JHY: variants seen among roughly 807,000 people sequenced by gnomAD.
The protein encoded by JHY is junctional cadherin complex regulator.
Under a neutral mutation model 78.0 loss-of-function variants are expected in JHY, and 69 were observed. The observed-to-expected ratio is 0.88, with a 90% confidence interval of 0.73 to 1.08. The LOEUF is 1.08. Ranked by LOEUF, JHY falls within the 50% of genes least tolerant of loss-of-function variation. JHY has a pLI of 0.00. For synonymous variants in JHY, 368 were observed against 342.6 expected (o/e 1.07, Z -0.82); for missense variants, 944 against 927.8 (o/e 1.02, Z -0.23).
At position 122,946,769 on chromosome 11, in the gene JHY, C is replaced by A. The variant is rs1320119605; in HGVS notation, c.1906C>A (p.His636Asn). 6.2e-7 allele frequency: 1 copy of A among 1,612,118 alleles called. No individual in the cohort carries two copies. The highest frequency in any genetic ancestry group is 8.5e-7 in the Non-Finnish European group (1 of 1,179,476). ...YLFQLEKGKK[H>N]KKRSSSKNTK... ...GTTTCAACTGGAAAAGGGAAAAAAG[C>A]ATAAGAAAAGAAGCAGCAGTAAGGT... Residue 636 changes from histidine to asparagine, a missense_variant, in exon 6 of 9, where the codon CAT becomes AAT. Transcript: ENST00000227349.
chr11:122,900,235 T>C (rs1443441287), intron 2 of JHY, among the ~76,000 whole-genome samples: 1 of 152,140 alleles, frequency 6.6e-6, no homozygotes, highest in African/African-American at 2.4e-5. Context: ...GGCGTGACAG[T>C]TTTGGCTTTT....
At chr11:122,914,519 A>C (rs1226273940) in intron 3 of JHY, among the ~76,000 whole-genome samples, 2 of 152,076 alleles carry the variant, frequency 1.3e-5, no homozygotes, top group Non-Finnish European at 2.9e-5. Flanking sequence ...ATCTCCGCTC[A>C]CTGCAACTTC....
chr11:122,905,665 C>G lies in JHY; in HGVS notation c.864+1221C>G, dbSNP rs546885054. Reference sequence around the variant, plus strand: ...GGAGGATCACTTGAGGCCACGAGTTCAAGACCAGCCTGGCCAACATGGTGA... The same window carrying G: ...GGAGGATCACTTGAGGCCACGAGTTGAAGACCAGCCTGGCCAACATGGTGA... On this transcript the variant is annotated intron_variant, in intron 3 of 8. Coordinates refer to ENST00000227349, the MANE Select transcript of JHY (RefSeq NM_024806.4). 2.6e-5 allele frequency: 22 copies of G among 859,466 alleles called. No individual in the cohort carries two copies. The African/African-American group carries it at 3.7e-4, about 14-fold the overall frequency. The allele number at this position is 859,466 out of a possible 1,614,324, so 53.2% of individuals were successfully genotyped here.
At chr11:122,950,811 G>T (rs1864070088) in intron 6 of JHY, among the ~76,000 whole-genome samples, 1 of 152,196 alleles carries the variant, frequency 6.6e-6, no homozygotes, top group Non-Finnish European at 1.5e-5. Flanking sequence ...AGAAATCTAA[G>T]CGCATGGGAG....
intron 8 of JHY, 21 bp downstream of exon 8, chr11:122,957,512 C>T (rs375793123): frequency 1.4e-6 from 2 of 1,439,848 alleles, no homozygotes; most frequent in Middle Eastern, 1.9e-4. Context: ...CTCAACAAGG[C>T]ATTTATTTTT....
intron 3 of JHY, chr11:122,905,377 G>A (rs1409700264): frequency 1.3e-6 from 2 of 1,500,134 alleles, no homozygotes; most frequent in African/African-American, 2.8e-5. Context: ...ACCTGCTAAT[G>A]TGAGGTCATT....
intron 3 of JHY, among the ~76,000 whole-genome samples, chr11:122,912,871 C>T (rs1420556922): frequency 6.6e-6 from 1 of 151,972 alleles, no homozygotes; most frequent in African/African-American, 2.4e-5. Flanking sequence ...CTTCGGAGGG[C>T]TATTTGAAGA....
At chr11:122,923,883 A>ATTT (rs760512913) in intron 3 of JHY, among the ~76,000 whole-genome samples, 11 of 100,502 alleles carry the variant, frequency 1.1e-4, no homozygotes, top group Admixed American at 2.0e-4. Context: ...CGCCTGGCTA[A>ATTT]TTTTTTTTTT....
chr11:122,931,799 G>A (rs963980317), intron 4 of JHY, among the ~76,000 whole-genome samples: 2 of 152,142 alleles, frequency 1.3e-5, no homozygotes, highest in African/African-American at 2.4e-5. Flanking sequence ...AAGGAAAGCC[G>A]TAAAAGAGAA....
Position 122,917,841 on chromosome 11 carries a change from T to G in JHY, c.865-7056T>G, listed in dbSNP as rs1185597449. On this transcript the variant is annotated intron_variant, in intron 3 of 8. Coordinates refer to ENST00000227349, the MANE Select transcript of JHY (RefSeq NM_024806.4). This position sits in a 1 kb window ranked among gnomAD's most constrained non-coding sequence, Gnocchi z 4.1. ...GTTATATGAGATATTCCTAAAAATC[T>G]CTTTCACATTCTTAAAAATGGCCAT... 6.6e-6 allele frequency among the ~76,000 whole-genome samples: 1 copy of G among 152,228 alleles called. No homozygotes were observed. The highest frequency in any genetic ancestry group is 1.5e-5 in the Non-Finnish European group (1 of 68,036).
intron 6 of JHY, among the ~76,000 whole-genome samples, chr11:122,948,393 AG>A (rs1282861271): frequency 1.4e-4 from 21 of 151,494 alleles, no homozygotes; most frequent in Admixed American, 3.3e-4. Flanking sequence ...CAGTGAGTCG[AG>A]ATTGCACCAT....
chr11:122,896,190 A>G (rs1203064619), intron 2 of JHY, among the ~76,000 whole-genome samples: 1 of 152,030 alleles, frequency 6.6e-6, no homozygotes, highest in Non-Finnish European at 1.5e-5. Flanking sequence ...TCTAGGTTCC[A>G]CTTAAAACAT....
chr11:122,908,042 T>G (rs1176075092), intron 3 of JHY, among the ~76,000 whole-genome samples: 1 of 152,052 alleles, frequency 6.6e-6, no homozygotes, highest in Non-Finnish European at 1.5e-5. Context: ...CTGGAGAATT[T>G]AAAAAGTATT....
intron 3 of JHY, among the ~76,000 whole-genome samples, chr11:122,907,349 T>C (rs371793368): frequency 2.6e-5 from 4 of 152,254 alleles, no homozygotes; most frequent in East Asian, 3.9e-4. Context: ...GGGTTTGTGC[T>C]CATTTTTAAT....
chr11:122,903,958 C>A lies in JHY; in HGVS notation c.378C>A (p.Leu126=). ...CAATAGAAGACAAATATTCAGACCT[C>A]CGCTATGACCCGAACTGGAAGAGTA... ...QQPIEDKYSD[L]RYDPNWKSKK... The change falls in exon 3 of 9, where the codon CTC becomes CTA. Residue 126 remains leucine, a synonymous_variant. Coordinates refer to ENST00000227349, the MANE Select transcript of JHY (RefSeq NM_024806.4). 6.2e-7 allele frequency: 1 copy of A among 1,607,932 alleles called. No homozygotes were observed. Among genetic ancestry groups the A allele is most frequent in the East Asian group, 2.2e-5 (1 of 44,740 alleles).
Position 122,946,498 on chromosome 11 carries a change from G to A in JHY, c.1635G>A (p.Trp545Ter), listed in dbSNP as rs1376461533. Residue 545 changes from tryptophan (W) to a stop codon, truncating the protein, a stop_gained and splice_region_variant, in exon 6 of 9, where the codon TGG (tryptophan) becomes TGA (stop). Coordinates refer to ENST00000227349, the MANE Select transcript of JHY (RefSeq NM_024806.4). LOFTEE classifies it high-confidence loss of function. ...TTGTGCCTTTTTTTTTTTCATTAAG[G>A]AAATTCCATTCTTCTTCTGACAGCC... ...ETKYRNLEML[W>*]KFHSSSDSQT... The A allele has an allele frequency of 6.4e-7, 1 of 1,558,228 alleles. No individual in the cohort carries two copies. The highest frequency in any genetic ancestry group is 1.4e-5 in the African/African-American group (1 of 71,834).
In JHY at chr11:122,963,556, ATT is replaced by A. The variant is rs1466165014; in HGVS notation, c.*4114_*4115del. Reference sequence around the variant, plus strand: ...AACTACCATAAAACTAAGGGGAGAGATTTTGCAAAAACAGGGAGTGACAGACA... The same window carrying A: ...AACTACCATAAAACTAAGGGGAGAGATTGCAAAAACAGGGAGTGACAGACA... On this transcript the variant is annotated 3_prime_UTR_variant, in exon 9 of 9. Transcript: ENST00000227349. 1.5e-4 allele frequency among the ~76,000 whole-genome samples: 23 copies of A among 152,290 alleles called. No individual in the cohort carries two copies. The highest frequency in any genetic ancestry group is 3.4e-3 in the Middle Eastern group (1 of 294).
chr11:122,960,473 C>G lies in JHY; in HGVS notation c.*1028C>G, dbSNP rs1424903587. The G allele has an allele frequency of 4.3e-6, 1 of 234,608 alleles. No homozygotes were observed. The highest frequency in any genetic ancestry group is 9.0e-6 in the Non-Finnish European group (1 of 111,132). The allele number at this position is 234,608 out of a possible 1,614,324, so 14.5% of individuals were successfully genotyped here. ...TTGCCCCTCTACCACCTCTTCCTTC[C>G]TTTTCCTATAGAGGAAAAGTTCGTT... On this transcript the variant is annotated 3_prime_UTR_variant, in exon 9 of 9. Transcript: ENST00000227349.
At chr11:122,910,324 A>T (rs2135318061) in intron 3 of JHY, among the ~76,000 whole-genome samples, 1 of 152,136 alleles carries the variant, frequency 6.6e-6, no homozygotes, top group Non-Finnish European at 1.5e-5. Context: ...AAAATACAAA[A>T]ATTAGCCGGG....
Sources: gnomAD v4.1 joint callset for allele counts (sites outside exome capture counted in the v4.1 genomes callset) on GRCh38, gnomAD v4.1.1 for gene constraint, Gnocchi (gnomAD v3.1) non-coding constraint, MANE v1.5 for transcripts, NCBI Gene and HGNC (gene_info 2026-07-23, HGNC 2026-07-21) for gene names.